Variants in PIEZO1 observed in about 807,000 individuals in gnomAD.
PIEZO1 encodes the protein piezo type mechanosensitive ion channel component 1 (Er blood group), also known as piezo-type mechanosensitive ion channel component 1.
PIEZO1 carries 296 observed loss-of-function variants against 297.2 expected under a neutral mutation model. That is an observed-to-expected ratio of 1.00 (90% CI 0.91 to 1.10). The LOEUF (loss-of-function observed/expected upper bound fraction) is 1.10, where lower values mean the gene tolerates loss of function less well. PIEZO1 is among the 50% of genes least tolerant of loss of function. The pLI is 0.00. For synonymous variants in PIEZO1, 2,427 were observed against 1,507.5 expected (o/e 1.61, Z -14.13); for missense variants, 5,018 against 3,455.5 (o/e 1.45, Z -11.34).
rs147929014 is a variant in PIEZO1, at chr16:88,769,218, A to G, written c.64+15683T>C. On this transcript the variant is annotated intron_variant, in intron 1 of 50. Transcript: ENST00000301015. Reference sequence around the variant, plus strand: ...GTACACATACCCTAAAGGCAGTCACATAATTTTGTGTAAATAATGACGGGG... The same window carrying G: ...GTACACATACCCTAAAGGCAGTCACGTAATTTTGTGTAAATAATGACGGGG... Among the ~76,000 whole-genome samples the G allele has an allele frequency of 2.0e-3, 302 of 152,364 alleles. 2 individuals carry two copies. Among genetic ancestry groups the G allele is most frequent in the Non-Finnish European group, 6.5e-4 (44 of 68,046 alleles).
At chr16:88,760,260 A>G (rs1906870185) in intron 1 of PIEZO1, among the ~76,000 whole-genome samples, 1 of 152,156 alleles carries the variant, frequency 6.6e-6, no homozygotes, top group Admixed American at 6.5e-5. Context: ...GGGATCCTGC[A>G]CGGTTCTCTG....
intron 2 of PIEZO1, among the ~76,000 whole-genome samples, chr16:88,746,495 C>G (rs1294984076): frequency 6.6e-6 from 1 of 152,100 alleles, no homozygotes; most frequent in African/African-American, 2.4e-5. Flanking sequence ...CCTGTTCAGT[C>G]TGAGCTCAAC....
chr16:88,759,555 G>A (rs1906829690), intron 1 of PIEZO1, among the ~76,000 whole-genome samples: 1 of 152,196 alleles, frequency 6.6e-6, no homozygotes, highest in Non-Finnish European at 1.5e-5. Flanking sequence ...AGGAAGAGAG[G>A]AAGAAGAGCA....
At position 88,742,378 on chromosome 16, in the gene PIEZO1, G is replaced by C. The variant is rs1337068385; in HGVS notation, c.205C>G (p.Leu69Val). The C allele has an allele frequency of 3.3e-6, 5 of 1,535,318 alleles. No individual in the cohort carries two copies. The South Asian group carries it at 3.6e-5, about 11-fold the overall frequency. Residue 69 changes from leucine to valine, a missense_variant, in exon 3 of 51, where the codon CTC becomes GTC. Physicochemically the swap from Leu to Val is conservative, Grantham distance 32. Coordinates refer to ENST00000301015, the MANE Select transcript of PIEZO1 (RefSeq NM_001142864.4). ...AGGGCGAGATGGGCCACCAGGAAGAGCAGGCTGAGGCCCAGCAATGCCCGC... is the reference window on the plus strand; with the variant it reads ...AGGGCGAGATGGGCCACCAGGAAGACCAGGCTGAGGCCCAGCAATGCCCGC... Reference protein sequence around the residue: ...LLRALLGLSLLFLVAHLALQI... With the variant: ...LLRALLGLSLVFLVAHLALQI...
chr16:88,742,503 C>G, intron 2 of PIEZO1, 81 bp from the exon 3 acceptor site: 1 of 1,434,044 alleles, frequency 7.0e-7, no homozygotes, highest in Non-Finnish European at 9.3e-7. Flanking sequence ...GACAATAGCC[C>G]CCAGCCCGGC....
Position 88,738,037 on chromosome 16 carries a change from G to C in PIEZO1, c.917C>G (p.Thr306Ser). 1 of 1,535,794 alleles carries C rather than the reference G, an allele frequency of 6.5e-7. No homozygotes were observed. Among genetic ancestry groups the C allele is most frequent in the East Asian group, 2.4e-5 (1 of 40,908 alleles). ...GGCATACACAGGCCAGTCCAGGCCG[G>C]TGTTGAGGACCAGCGCGTGGGGGCT... ...CSSPHALVLN[T>S]GLDWPVYASP... is the part of the protein sequence containing the mutation. Residue 306 changes from threonine (T) to serine (S), a missense_variant, in exon 8 of 51, where the codon ACC becomes AGC. Thr to Ser is a moderately conservative substitution (Grantham distance 58). Transcript: ENST00000301015.
intron 1 of PIEZO1, among the ~76,000 whole-genome samples, chr16:88,769,168 C>T (rs1907309593): frequency 6.6e-6 from 1 of 152,198 alleles, no homozygotes; most frequent in African/African-American, 2.4e-5. Context: ...ACACAAAATT[C>T]TACTCACATT....
At chr16:88,729,480 C>T (rs1350502785) in intron 22 of PIEZO1, among the ~76,000 whole-genome samples, 16 of 112,508 alleles carry the variant, frequency 1.4e-4, no homozygotes, top group Middle Eastern at 6.0e-3. Context: ...GAGGGAACCT[C>T]GCGACACAAA....
intron 1 of PIEZO1, among the ~76,000 whole-genome samples, chr16:88,784,560 G>C (rs968750): frequency 0.29 from 43,490 of 151,512 alleles, 7,216 homozygotes; most frequent in East Asian, 0.42. Flanking sequence ...CCTTCCCACC[G>C]GGGCAAACAC....
Position 88,735,802 on chromosome 16 carries a change from ACACT to A in PIEZO1, c.1557+342_1557+345del, listed in dbSNP as rs200174097. Among the ~76,000 whole-genome samples, 385 of 152,328 alleles carry A rather than the reference ACACT, an allele frequency of 2.5e-3. 14 individuals are homozygous for A. Among genetic ancestry groups the A allele is most frequent in the Admixed American group, 0.021 (320 of 15,306 alleles). On this transcript the variant is annotated intron_variant, in intron 12 of 50. Coordinates refer to ENST00000301015, the MANE Select transcript of PIEZO1 (RefSeq NM_001142864.4). ...CAATGGGCAGAGCCCACGCTCACAC[ACACT>A]GTCAGGGGCGCAGGGGTGGTGCCTG...
chr16:88,762,546 C>T (rs929893284), intron 1 of PIEZO1, among the ~76,000 whole-genome samples: 7 of 152,364 alleles, frequency 4.6e-5, no homozygotes, highest in Admixed American at 1.3e-4. Context: ...GCGGCCAACC[C>T]TGACTGCCAA....
In PIEZO1 at chr16:88,726,870, T is replaced by C; in HGVS notation, c.3544A>G (p.Ile1182Val). The C allele has an allele frequency of 6.5e-7, 1 of 1,550,338 alleles. No homozygotes were observed. The highest frequency in any genetic ancestry group is 8.7e-7 in the Non-Finnish European group (1 of 1,146,896). ...AGGTAGCCCAGCCCGAAGATGCTGA[T>C]GCGGGTGGCCCCCGTGACAAACACC... ...VVVFVTGATR[I>V]SIFGLGYLLA... The change falls in exon 25 of 51, where the codon ATC becomes GTC. Residue 1182 changes from isoleucine to valine, a missense_variant. Transcript: ENST00000301015.
In PIEZO1 at chr16:88,733,617, G is replaced by C; in HGVS notation, c.2458C>G (p.Leu820Val). The C allele has an allele frequency of 6.5e-7, 1 of 1,549,280 alleles. No homozygotes were observed. Among genetic ancestry groups the C allele is most frequent in the African/African-American group, 1.4e-5 (1 of 73,160 alleles). Residue 820 changes from leucine (L) to valine (V), a missense_variant, in exon 18 of 51, where the codon CTG becomes GTG. Physicochemically the swap from Leu to Val is conservative, Grantham distance 32. Coordinates refer to ENST00000301015, the MANE Select transcript of PIEZO1 (RefSeq NM_001142864.4). ...LELHVFKLVALYTVWVALKEV... is the reference protein window; with the variant it reads ...LELHVFKLVAVYTVWVALKEV... ...TTCAGGGCCACCCAGACGGTGTACA[G>C]GGCCACCAGCTTGAAAACGTGAAGC...
chr16:88,763,880 G>A (rs1907039809), intron 1 of PIEZO1, among the ~76,000 whole-genome samples: 1 of 152,214 alleles, frequency 6.6e-6, no homozygotes, highest in African/African-American at 2.4e-5. Flanking sequence ...CAGCTCTCCG[G>A]GCTCTGTGAG....
intron 2 of PIEZO1, among the ~76,000 whole-genome samples, chr16:88,746,628 G>A (rs182601092): frequency 7.9e-5 from 12 of 152,268 alleles, no homozygotes; most frequent in South Asian, 2.1e-4. Flanking sequence ...CCGGGCACTC[G>A]GCTCGGGCAA....
At chr16:88,753,323 GGAGCACACCTGCCACCCCCA>G (rs200419727) in intron 1 of PIEZO1, among the ~76,000 whole-genome samples, 1 of 71,442 alleles carries the variant, frequency 1.4e-5, no homozygotes, top group African/African-American at 5.2e-5. Flanking sequence ...TCCCGCCCCC[GGAGCACACCTGCCACCCCCA>G]GAGCACACCC....
chr16:88,737,523 C>T (rs550030057), intron 10 of PIEZO1, 36 bp downstream of exon 10: 2 of 1,438,198 alleles, frequency 1.4e-6, no homozygotes, highest in African/African-American at 1.4e-5. Context: ...CCCCGCCCCC[C>T]GCACCCAGCC....
At chr16:88,730,302 C>G (rs1019179734) in intron 22 of PIEZO1, among the ~76,000 whole-genome samples, 2 of 152,156 alleles carry the variant, frequency 1.3e-5, no homozygotes, top group Admixed American at 6.5e-5. Context: ...GAGCAGAAAA[C>G]AAGACGGGGC....
chr16:88,716,719 A>G lies in PIEZO1; in HGVS notation c.6766T>C (p.Phe2256Leu). ...TCCTCAGGGCTGTACTGGCTGATGA[A>G]CTGCATGGCCAGCTGGGTACAAGTG... ...QFDPQPLAMQFISQYSPEDIV... is the reference protein window; with the variant it reads ...QFDPQPLAMQLISQYSPEDIV... The change falls in exon 47 of 51, where the codon TTC becomes CTC. Residue 2256 changes from phenylalanine to leucine, a missense_variant. Coordinates refer to ENST00000301015, the MANE Select transcript of PIEZO1 (RefSeq NM_001142864.4). 3.2e-6 allele frequency: 5 copies of G among 1,548,218 alleles called. No homozygotes were observed. The highest frequency in any genetic ancestry group is 4.4e-6 in the Non-Finnish European group (5 of 1,146,800).
Sources: gnomAD v4.1 joint callset for allele counts (sites outside exome capture counted in the v4.1 genomes callset) on GRCh38, gnomAD v4.1.1 for gene constraint, MANE v1.5 for transcripts, NCBI Gene and HGNC (gene_info 2026-07-23, HGNC 2026-07-21) for gene names.